The following MATR3 variants were observed in gnomAD, a reference collection of about 807,000 sequenced individuals.
MATR3 encodes matrin-3.
A neutral mutation model predicts 85.5 loss-of-function variants in MATR3; 4 were observed. The observed-to-expected ratio is 0.05, with a 90% CI of 0.02 to 0.11. MATR3 has a LOEUF of 0.11. Ranked by LOEUF, MATR3 falls within the 10% of genes least tolerant of loss-of-function variation. The pLI is 1.00. For missense variants in MATR3, 685 were observed against 1,016.1 expected (o/e 0.67, Z 4.43); for synonymous variants, 336 against 343.1 (o/e 0.98, Z 0.23).
chr5:139,296,447 A>G (rs923253534), intron 1 of MATR3, among the ~76,000 whole-genome samples: 1 of 152,230 alleles, frequency 6.6e-6, no homozygotes, highest in Non-Finnish European at 1.5e-5. Context: ...TTACTCCCTG[A>G]TGTTTTTCTG....
chr5:139,288,011 C>T (rs1345500079), intron 3 of MATR3, among the ~76,000 whole-genome samples: 1 of 152,038 alleles, frequency 6.6e-6, no homozygotes, highest in Admixed American at 6.6e-5. Flanking sequence ...AGGAGTTCGA[C>T]ACCAGCCTAG....
intron 1 of MATR3, among the ~76,000 whole-genome samples, chr5:139,275,830 G>T (rs929472614): frequency 2.0e-5 from 3 of 152,196 alleles, no homozygotes; most frequent in African/African-American, 7.2e-5. Context: ...CTACAAATGA[G>T]ACTGAGGTAT....
At chr5:139,312,303 G>T (rs1413601944) in intron 2 of MATR3, 1 of 151,360 alleles carries the variant, frequency 6.6e-6, no homozygotes, top group African/African-American at 2.4e-5. Flanking sequence ...TCACTGTGTT[G>T]CCCAGGCTGG....
At chr5:139,276,785 C>T (rs1422385378) in intron 2 of MATR3, among the ~76,000 whole-genome samples, 1 of 152,166 alleles carries the variant, frequency 6.6e-6, no homozygotes, top group Non-Finnish European at 1.5e-5. Flanking sequence ...AAGTCCATGG[C>T]TCCTACTACC....
chr5:139,323,721 C>G (rs1755696859), intron 12 of MATR3, among the ~76,000 whole-genome samples: 1 of 152,096 alleles, frequency 6.6e-6, no homozygotes, highest in South Asian at 2.1e-4. Flanking sequence ...TGGTGAAACC[C>G]CGTCTCTACT....
At chr5:139,326,427 T>A (rs1214120620) in intron 14 of MATR3, 143 bp downstream of exon 14, 1 of 790,128 alleles carries the variant, frequency 1.3e-6, no homozygotes. Flanking sequence ...ATTTACTTTT[T>A]TTTTTTTTTT....
rs1321999401 is a variant in MATR3, at chr5:139,321,889, CTTTT to C, written c.1603-7_1603-4del. The C allele has an allele frequency of 1.9e-6, 3 of 1,609,954 alleles. No individual in the cohort carries two copies. Among genetic ancestry groups the C allele is most frequent in the Non-Finnish European group, 2.5e-6 (3 of 1,178,206 alleles). On this transcript the variant is annotated splice_polypyrimidine_tract_variant and splice_region_variant and intron_variant, in intron 9 of 14. Transcript: ENST00000394805. ...ATGTGCTTTGTGGTTTCTTTTCTTT[CTTTT>C]TAAGGCTTTTATTGAGATGGAGACA...
In MATR3 at chr5:139,317,086, A is replaced by G; in HGVS notation, c.1163A>G (p.His388Arg). 1.2e-6 allele frequency: 2 copies of G among 1,614,082 alleles called. No homozygotes were observed. The highest frequency in any genetic ancestry group is 1.7e-6 in the Non-Finnish European group (2 of 1,179,980). ...AGNGNLQGPR[H>R]MQKGRVETSR... is the part of the protein sequence containing the mutation. Reference sequence around the variant, plus strand: ...AATGGAAACCTGCAAGGACCTAGACACATGCAGAAAGGCAGAGTGGTCAGT... The same window carrying G: ...AATGGAAACCTGCAAGGACCTAGACGCATGCAGAAAGGCAGAGTGGTCAGT... Residue 388 changes from histidine to arginine, a missense_variant, in exon 6 of 15, where the codon CAC becomes CGC. Coordinates refer to ENST00000394805, the MANE Select transcript of MATR3 (RefSeq NM_018834.6).
At chr5:139,320,457 A>G (rs906975950) in intron 9 of MATR3, among the ~76,000 whole-genome samples, 3 of 152,128 alleles carry the variant, frequency 2.0e-5, no homozygotes. Flanking sequence ...AATTTTTTTT[A>G]ACCAGGCAAA....
exon 3 of MATR3, chr5:139,279,059 A>C: frequency 2.1e-6 from 1 of 467,216 alleles, no homozygotes; most frequent in Non-Finnish European, 4.3e-6. Context: ...AGATGCCTTC[A>C]CCTGAATGAC....
exon 3 of MATR3, chr5:139,279,093 A>G (rs1415804878): frequency 2.2e-6 from 1 of 456,408 alleles, no homozygotes; most frequent in Non-Finnish European, 4.4e-6. Context: ...AGGACCCCAG[A>G]TGTCTGACAG....
intron 3 of MATR3, chr5:139,279,191 G>A (rs940073641): frequency 4.4e-6 from 2 of 453,190 alleles, no homozygotes; most frequent in Non-Finnish European, 8.8e-6. Context: ...TGGGGGTAGG[G>A]GACTTAAAAT....
In MATR3 at chr5:139,319,018, G is replaced by A. The variant is rs755083498; in HGVS notation, c.1419G>A (p.Lys473=). ...CAGTGAGAGTTCATTTATCCCAGAA[G>A]TATAAAAGAATAAAGGTAATGTTTA... ...GKPVRVHLSQ[K]YKRIKKPEGK... The change falls in exon 8 of 15, where the codon AAG becomes AAA. Residue 473 remains lysine, a synonymous_variant. Coordinates refer to ENST00000394805, the MANE Select transcript of MATR3 (RefSeq NM_018834.6). The A allele has an allele frequency of 5.0e-5, 80 of 1,612,960 alleles. No homozygotes were observed. Among genetic ancestry groups the A allele is most frequent in the Non-Finnish European group, 5.1e-6 (6 of 1,179,070 alleles).
intron 3 of MATR3, among the ~76,000 whole-genome samples, chr5:139,288,210 C>CA (rs1753767712): frequency 1.3e-5 from 2 of 151,426 alleles, no homozygotes. Flanking sequence ...GACCCTGTCT[C>CA]AAAAAACAAA....
At chr5:139,324,628 G>T (rs967967045) in intron 12 of MATR3, among the ~76,000 whole-genome samples, 1 of 152,052 alleles carries the variant, frequency 6.6e-6, no homozygotes, top group Non-Finnish European at 1.5e-5. Context: ...CACTGTTTGA[G>T]TATTTGCTCT....
intron 1 of MATR3, chr5:139,294,998 G>A (rs972114312): frequency 3.3e-5 from 5 of 152,168 alleles, no homozygotes; most frequent in African/African-American, 1.2e-4. Context: ...GATTTCGTAG[G>A]TAGGGGTCAC....
chr5:139,312,195 TA>T (rs2151973061), intron 2 of MATR3: 1 of 152,366 alleles, frequency 6.6e-6, no homozygotes, highest in East Asian at 1.9e-4. Flanking sequence ...GAAGTGCGCT[TA>T]GGTGTTCGCA....
chr5:139,320,790 C>T (rs1475628037), intron 9 of MATR3, among the ~76,000 whole-genome samples: 1 of 146,538 alleles, frequency 6.8e-6, no homozygotes. Flanking sequence ...CTCTGTCACC[C>T]CGGCTGTAGT....
intron 1 of MATR3, among the ~76,000 whole-genome samples, chr5:139,295,518 C>T (rs1436704925): frequency 4.6e-5 from 7 of 152,164 alleles, no homozygotes; most frequent in African/African-American, 1.7e-4. Context: ...TATTTTTCAG[C>T]CGTGTACAGC....
Sources: gnomAD v4.1 joint callset for allele counts (sites outside exome capture counted in the v4.1 genomes callset) on GRCh38, gnomAD v4.1.1 for gene constraint, MANE v1.5 for transcripts, NCBI Gene and HGNC (gene_info 2026-07-23, HGNC 2026-07-21) for gene names.